Variants in ADGRE3 observed in about 807,000 individuals in gnomAD.
ADGRE3 encodes the protein EGF-like module receptor 3.
A neutral mutation model predicts 80.1 loss-of-function variants in ADGRE3; 88 were observed. That is an observed-to-expected ratio of 1.10 (90% CI 0.93 to 1.31). The LOEUF is 1.31. ADGRE3 is among the 40% of genes most tolerant of loss of function. The pLI, the probability that ADGRE3 is intolerant of heterozygous loss-of-function variation, is 0.00. For missense variants in ADGRE3, 715 were observed against 776.5 expected, an observed-to-expected ratio of 0.92 and a Z score of 0.94; for synonymous variants, 281 against 294.8, an observed-to-expected ratio of 0.95 and a Z score of 0.48.
In ADGRE3 at chr19:14,665,959, T is replaced by TGC. The variant is rs1568500835; in HGVS notation, c.77-2420_77-2419insGC. On this transcript the variant is annotated intron_variant, in intron 2 of 15. Coordinates refer to ENST00000253673, the MANE Select transcript of ADGRE3 (RefSeq NM_032571.5). ...GTGTATATATATATATATATATATA[T>TGC]ATATATATATATATATATAGTGTTT... Among the ~76,000 whole-genome samples the TGC allele has an allele frequency of 2.6e-4, 33 of 124,992 alleles. 2 individuals are homozygous for TGC. The highest frequency in any genetic ancestry group is 2.8e-4 in the Non-Finnish European group (16 of 57,570). The allele number at this position is 124,992 out of a possible 152,430, so 82.0% of individuals were successfully genotyped here.
In ADGRE3 at chr19:14,630,144, C is replaced by G; in HGVS notation, c.1707G>C (p.Leu569Phe). The G allele has an allele frequency of 1.2e-6, 2 of 1,613,706 alleles. No individual in the cohort carries two copies. Among genetic ancestry groups the G allele is most frequent in the Non-Finnish European group, 8.5e-7 (1 of 1,179,706 alleles). The change falls in exon 14 of 16, where the codon TTG becomes TTC. Residue 569 changes from leucine (L) to phenylalanine (F), a missense_variant. Leu to Phe is a conservative substitution (Grantham distance 22, BLOSUM62 0). Transcript: ENST00000253673. ...CCTGGGCAGCTGGACCCACCTGTAG[C>G]AAGCCCAGACACCATGTGCAGCCCA... ...FILGCTWCLGLLQVGPAAQVM... is the reference protein window; with the variant it reads ...FILGCTWCLGFLQVGPAAQVM...
chr19:14,657,315 A>G (rs543768925), intron 5 of ADGRE3, among the ~76,000 whole-genome samples: 68 of 152,266 alleles, frequency 4.5e-4, no homozygotes, highest in African/African-American at 1.6e-3. Flanking sequence ...TGATGTAATC[A>G]CATATTTATA....
At chr19:14,634,401 G>A (rs1970976163) in intron 11 of ADGRE3, among the ~76,000 whole-genome samples, 1 of 152,124 alleles carries the variant, frequency 6.6e-6, no homozygotes, top group African/African-American at 2.4e-5. Flanking sequence ...TGTACAGAGA[G>A]TTTAATTTGT....
At position 14,621,494 on chromosome 19, in the gene ADGRE3, C is replaced by A; in HGVS notation, c.1921-2023G>T. On this transcript the variant is annotated intron_variant, in intron 15 of 15. Transcript: ENST00000253673. Reference sequence around the variant, plus strand: ...GTGAAAAGAAAAGAAGAGACAGGTTCTCACTATGTTGCCCAGGCTGGTCTA... The same window carrying A: ...GTGAAAAGAAAAGAAGAGACAGGTTATCACTATGTTGCCCAGGCTGGTCTA... 2 of 511,288 alleles carry A rather than the reference C, an allele frequency of 3.9e-6. 1 individual carries two copies. Among genetic ancestry groups the A allele is most frequent in the African/African-American group, 4.0e-5 (2 of 50,284 alleles). The allele number at this position is 511,288 out of a possible 1,614,324, so 31.7% of individuals were successfully genotyped here. A position where few individuals can be genotyped will look rare whatever the true frequency, so the allele number is the denominator to read the frequency against.
rs1970570125 is a variant in ADGRE3, at chr19:14,620,566, ATATTTTTTTTTTTTTT to A, written c.1921-1111_1921-1096del. ...ATATATATTATATATATATATATAT[ATATTTTTTTTTTTTTT>A]TTTTTTTTTTTTTTTGAGACAGGGT... On this transcript the variant is annotated intron_variant, in intron 15 of 15. Coordinates refer to ENST00000253673, the MANE Select transcript of ADGRE3 (RefSeq NM_032571.5). Among the ~76,000 whole-genome samples, 29 of 16,048 alleles carry A rather than the reference ATATTTTTTTTTTTTTT, an allele frequency of 1.8e-3. 1 individual carries two copies. Among genetic ancestry groups the A allele is most frequent in the East Asian group, 0.012 (6 of 510 alleles). The allele number at this position is 16,048 out of a possible 152,430, so 10.5% of individuals were successfully genotyped here.
In ADGRE3 at chr19:14,674,509, A is replaced by AAAAC. The variant is rs368704613; in HGVS notation, c.25+233_25+236dup. Among the ~76,000 whole-genome samples, 116 of 152,212 alleles carry AAAAC rather than the reference A, an allele frequency of 7.6e-4. 1 individual carries two copies. The highest frequency in any genetic ancestry group is 2.7e-3 in the African/African-American group (111 of 41,526). ...GAGATTCTGTCTCAAAAAACAAAAC[A>AAAAC]AAACAAACAAACAAAACAAACAAAA... On this transcript the variant is annotated intron_variant, in intron 1 of 15. Coordinates refer to ENST00000253673, the MANE Select transcript of ADGRE3 (RefSeq NM_032571.5).
intron 8 of ADGRE3, among the ~76,000 whole-genome samples, chr19:14,645,190 C>A (rs897620209): frequency 2.3e-4 from 35 of 151,276 alleles, no homozygotes; most frequent in African/African-American, 4.4e-4. Flanking sequence ...CAAAAAAAAA[C>A]CCAAAAAAAG....
rs1267579172 is a variant in ADGRE3, at chr19:14,636,075, C to CTTTCTTTCTTTCTTTCTTT, written c.1484+2029_1484+2030insAAAGAAAGAAAGAAAGAAA. Among the ~76,000 whole-genome samples, 6 of 70,660 alleles carry CTTTCTTTCTTTCTTTCTTT rather than the reference C, an allele frequency of 8.5e-5. 1 individual carries two copies. The highest frequency in any genetic ancestry group is 3.4e-4 in the African/African-American group (6 of 17,736). 46.4% of individuals were successfully genotyped at this position (70,660 alleles called of 152,430 possible). Reference sequence around the variant, plus strand: ...TTCCTTCCTTCCTTTCCTTTCCTTTCCTTTCCCTTTCTTTCTTTCTTTCTT... The same window carrying CTTTCTTTCTTTCTTTCTTT: ...TTCCTTCCTTCCTTTCCTTTCCTTTCTTTCTTTCTTTCTTTCTTTCTTTCCCTTTCTTTCTTTCTTTCTT... On this transcript the variant is annotated intron_variant, in intron 11 of 15. Coordinates refer to ENST00000253673, the MANE Select transcript of ADGRE3 (RefSeq NM_032571.5).
At chr19:14,671,273 G>A (rs1972249767) in intron 1 of ADGRE3, among the ~76,000 whole-genome samples, 1 of 152,098 alleles carries the variant, frequency 6.6e-6, no homozygotes. Context: ...AGCCTCTATA[G>A]GCTAAAATCA....
chr19:14,661,227 C>G (rs1427128404), intron 4 of ADGRE3, among the ~76,000 whole-genome samples: 1 of 152,198 alleles, frequency 6.6e-6, no homozygotes, highest in Non-Finnish European at 1.5e-5. Flanking sequence ...CAGGCGTGAG[C>G]CACCCCTCCC....
At chr19:14,633,898 T>C (rs980547693) in intron 11 of ADGRE3, among the ~76,000 whole-genome samples, 2 of 150,568 alleles carry the variant, frequency 1.3e-5, no homozygotes, top group Non-Finnish European at 3.0e-5. Flanking sequence ...TGCCTCAGTC[T>C]CCTGAATAGC....
At chr19:14,603,606 C>T in the ADGRE3 span, among the ~76,000 whole-genome samples, 17 of 151,794 alleles carry the variant, frequency 1.1e-4, no homozygotes, top group African/African-American at 3.2e-4. Context: ...ACTATAGTCA[C>T]GTGCCACCAC....
intron 4 of ADGRE3, among the ~76,000 whole-genome samples, chr19:14,658,845 C>T (rs895023651): frequency 2.0e-5 from 3 of 151,892 alleles, no homozygotes; most frequent in African/African-American, 7.3e-5. Context: ...AGTGATTCTC[C>T]TGCCTCAGCC....
the ADGRE3 span, among the ~76,000 whole-genome samples, chr19:14,602,589 A>C: frequency 2.4e-4 from 36 of 152,022 alleles, no homozygotes; most frequent in Admixed American, 2.4e-3. Flanking sequence ...CACTGTACCC[A>C]GCCTAATTGG....
chr19:14,610,241 A>C, the ADGRE3 span: 3 of 1,543,810 alleles, frequency 1.9e-6, no homozygotes, highest in Non-Finnish European at 2.6e-6. Flanking sequence ...TGTCTCTTTG[A>C]GATGAGAATC....
intron 8 of ADGRE3, 132 bp from the exon 9 acceptor site, chr19:14,644,407 G>A (rs1170537535): frequency 5.5e-6 from 3 of 545,190 alleles, no homozygotes; most frequent in African/African-American, 4.0e-5. Flanking sequence ...TGCAACCTCC[G>A]CTTCCTGGGT....
chr19:14,629,216 A>C (rs919256274), intron 14 of ADGRE3, among the ~76,000 whole-genome samples: 4 of 152,094 alleles, frequency 2.6e-5, no homozygotes, highest in Admixed American at 2.0e-4. Flanking sequence ...GAGCCACTGC[A>C]CCCTGCCGAT....
chr19:14,626,967 T>C (rs374704077), intron 14 of ADGRE3, among the ~76,000 whole-genome samples: 6 of 152,176 alleles, frequency 3.9e-5, no homozygotes, highest in African/African-American at 1.4e-4. Flanking sequence ...GGCACAGTCA[T>C]GGGTGTTTGC....
At chr19:14,628,733 C>A in intron 14 of ADGRE3, 1 of 369,546 alleles carries the variant, frequency 2.7e-6, no homozygotes, top group Non-Finnish European at 5.3e-6. Flanking sequence ...TGAGTTTGCC[C>A]CTGCAGACAG....
Sources: allele counts gnomAD v4.1 joint callset (sites outside exome capture counted in the v4.1 genomes callset), GRCh38; gene constraint gnomAD v4.1.1; transcripts MANE v1.5; gene names NCBI Gene and HGNC (gene_info 2026-07-23, HGNC 2026-07-21).